GLYAT: variants seen among roughly 807,000 people sequenced by gnomAD.
GLYAT encodes the protein glycine N-acyltransferase.
Under a neutral mutation model 22.8 loss-of-function variants are expected in GLYAT, and 25 were observed. The observed-to-expected ratio is 1.09, with a 90% CI of 0.80 to 1.53. The LOEUF is 1.53. Among genes scored for constraint, GLYAT ranks in the 40% most tolerant of loss-of-function variants. GLYAT has a pLI of 0.00. For synonymous variants in GLYAT, 140 were observed against 122.7 expected (o/e 1.14, Z -0.93); for missense variants, 411 against 353.9 (o/e 1.16, Z -1.29).
intron 2 of GLYAT, among the ~76,000 whole-genome samples, chr11:58,722,147 C>T (rs929421717): frequency 1.3e-5 from 2 of 152,002 alleles, no homozygotes; most frequent in Admixed American, 6.6e-5. Context: ...TCACAGACCT[C>T]AGCAAATTGT....
intron 1 of GLYAT, among the ~76,000 whole-genome samples, chr11:58,728,943 A>AAGGC: frequency 6.7e-6 from 1 of 150,250 alleles, no homozygotes; most frequent in Admixed American, 6.6e-5. Context: ...GGAAGGAAGG[A>AAGGC]AGGAGAGAAT....
In GLYAT at chr11:58,710,095, C is replaced by T. The variant is rs1029141555; in HGVS notation, c.562G>A (p.Gly188Ser). Residue 188 changes from glycine (G) to serine (S), a missense_variant, in exon 6 of 6, where the codon GGT becomes AGT. Physicochemically the swap from Gly to Ser is moderately conservative, Grantham distance 56. Coordinates refer to ENST00000344743, the MANE Select transcript of GLYAT (RefSeq NM_201648.3). ...AATCTCTGGCTCCTCTCATTACCAC[C>T]AAAATGCCAGAATTTATTCACCAAG... The part of the protein sequence containing the change: ...AHLVNKFWHF[G>S]GNERSQRFIE... 1.3e-5 allele frequency: 21 copies of T among 1,613,958 alleles called. No individual in the cohort carries two copies. Among genetic ancestry groups the T allele is most frequent in the Non-Finnish European group, 1.8e-5 (21 of 1,179,966 alleles).
chr11:58,710,143 A>G lies in GLYAT; in HGVS notation c.514T>C (p.Ser172Pro), dbSNP rs1472462995. The change falls in exon 6 of 6, where the codon TCC becomes CCC. Residue 172 changes from serine (S) to proline (P), a missense_variant. Transcript: ENST00000344743. ...AINQEMFKLS[S>P]MDVTHAHLVN... ...AAGTGAGCATGGGTAACATCCATGG[A>G]TGAGAGTTTAAACATCTCTTGGTTG... 10 of 1,613,372 alleles carry G rather than the reference A, an allele frequency of 6.2e-6. No homozygotes were observed. Among genetic ancestry groups the G allele is most frequent in the South Asian group, 2.2e-5 (2 of 91,012 alleles).
chr11:58,728,893 G>GAAT (rs1590676106), intron 1 of GLYAT, among the ~76,000 whole-genome samples: 1 of 59,900 alleles, frequency 1.7e-5, no homozygotes. Flanking sequence ...AAAGAAAGAA[G>GAAT]GAAGGAAGGA....
rs958924955 is a variant in GLYAT at position 58,710,013 on chromosome 11, G to T, written c.644C>A (p.Thr215Asn). Residue 215 changes from threonine (T) to asparagine (N), a missense_variant, in exon 6 of 6, where the codon ACC (threonine) becomes AAC (asparagine). By Grantham distance (65) the Thr-to-Asn change is moderately conservative (BLOSUM62 0). Coordinates refer to ENST00000344743, the MANE Select transcript of GLYAT (RefSeq NM_201648.3). ...GTCCATTAGATCCCAGCACACAGGG[G>T]TCCCCTCAGGCCCCAGGAGACAGCA... is the stretch of plus-strand genomic sequence containing the variant. ...PTCCLLGPEGTPVCWDLMDQT... is the reference protein window; with the variant it reads ...PTCCLLGPEGNPVCWDLMDQT... The T allele has an allele frequency of 5.1e-5, 83 of 1,614,074 alleles. No homozygotes were observed. The highest frequency in any genetic ancestry group is 6.7e-5 in the Non-Finnish European group (79 of 1,179,970).
intron 2 of GLYAT, among the ~76,000 whole-genome samples, chr11:58,720,634 TA>T (rs370637855): frequency 8.9e-4 from 135 of 152,124 alleles, no homozygotes; most frequent in African/African-American, 3.2e-3. Context: ...CCAGACTGCC[TA>T]AACCCACAGG....
At chr11:58,724,788 A>G (rs1041965385) in intron 1 of GLYAT, among the ~76,000 whole-genome samples, 7 of 152,056 alleles carry the variant, frequency 4.6e-5, no homozygotes, top group African/African-American at 1.7e-4. Flanking sequence ...TATCTTTTGA[A>G]TTTTAGTTGC....
rs145407893 is a variant in GLYAT, at chr11:58,709,891, T to G, written c.766A>C (p.Lys256Gln). Residue 256 changes from lysine (K) to glutamine (Q), a missense_variant, in exon 6 of 6, where the codon AAA becomes CAA. Lys to Gln is a moderately conservative substitution (Grantham distance 53). Transcript: ENST00000344743. The part of the protein sequence containing the change: ...VIYSHAQKLG[K>Q]LGFPVYSHVD... Reference sequence around the variant, plus strand: ...TGAGAATAGACAGGAAACCCAAGTTTGCCCAATTTCTGGGCGTGGGAATAG... The same window carrying G: ...TGAGAATAGACAGGAAACCCAAGTTGGCCCAATTTCTGGGCGTGGGAATAG... 5.6e-6 allele frequency: 9 copies of G among 1,614,040 alleles called. No individual in the cohort carries two copies. Among genetic ancestry groups the G allele is most frequent in the Non-Finnish European group, 8.5e-7 (1 of 1,180,016 alleles).
chr11:58,728,964 A>AAAGG (rs941320494), intron 1 of GLYAT, among the ~76,000 whole-genome samples: 2 of 151,438 alleles, frequency 1.3e-5, no homozygotes, highest in Admixed American at 1.3e-4. Context: ...AAAAGAAAAG[A>AAAGG]AAGGAAGGAA....
chr11:58,720,282 T>G (rs1565057809), intron 2 of GLYAT, among the ~76,000 whole-genome samples: 1 of 152,070 alleles, frequency 6.6e-6, no homozygotes, highest in Non-Finnish European at 1.5e-5. Flanking sequence ...TGTCTATTAT[T>G]TAATTTAATA....
rs749473930 is a variant in GLYAT, at chr11:58,712,860, A to G, written c.216T>C (p.Tyr72=). 6.2e-6 allele frequency: 10 copies of G among 1,605,554 alleles called. No individual in the cohort carries two copies. In the East Asian group the frequency reaches 6.7e-5, roughly 11 times the overall value. The change falls in exon 4 of 6, where the codon TAT becomes TAC. Residue 72 remains tyrosine (Y), a synonymous_variant. Coordinates refer to ENST00000344743, the MANE Select transcript of GLYAT (RefSeq NM_201648.3). Reference sequence around the variant, plus strand: ...TGGAGTAGATTTGGTAAGTATTGGTATAGTGATCAAGGTCATCTGTCATAT... The same window carrying G: ...TGGAGTAGATTTGGTAAGTATTGGTGTAGTGATCAAGGTCATCTGTCATAT... The part of the protein sequence containing the change: ...EQDMTDDLDH[Y]TNTYQIYSKD...
intron 3 of GLYAT, among the ~76,000 whole-genome samples, chr11:58,713,799 ATTTTG>A (rs1182864334): frequency 6.6e-6 from 1 of 152,150 alleles, no homozygotes; most frequent in Non-Finnish European, 1.5e-5. Flanking sequence ...CCACTGACAC[ATTTTG>A]TTGCTTAAGA....
chr11:58,716,522 A>G (rs1856682484), intron 2 of GLYAT, among the ~76,000 whole-genome samples: 1 of 152,138 alleles, frequency 6.6e-6, no homozygotes, highest in Non-Finnish European at 1.5e-5. Context: ...AATTTAGTAC[A>G]GTTTTGGCAA....
intron 2 of GLYAT, among the ~76,000 whole-genome samples, chr11:58,719,482 T>A (rs994602625): frequency 6.6e-6 from 1 of 151,984 alleles, no homozygotes; most frequent in African/African-American, 2.4e-5. Context: ...TCAGTGTTCC[T>A]TTGACATTAA....
At chr11:58,715,666 T>A in intron 2 of GLYAT, among the ~76,000 whole-genome samples, 1 of 152,188 alleles carries the variant, frequency 6.6e-6, no homozygotes, top group Non-Finnish European at 1.5e-5. Flanking sequence ...TAAACAGATT[T>A]TTGTTCAATA....
chr11:58,725,223 C>T (rs993870802), intron 1 of GLYAT, among the ~76,000 whole-genome samples: 41 of 152,246 alleles, frequency 2.7e-4, no homozygotes, highest in African/African-American at 9.6e-4. Context: ...GAGGCTAATT[C>T]CATCTTTAAG....
intron 1 of GLYAT, among the ~76,000 whole-genome samples, chr11:58,727,367 G>A (rs1373078185): frequency 6.6e-6 from 1 of 152,172 alleles, no homozygotes; most frequent in African/African-American, 2.4e-5. Flanking sequence ...TAAAAGAAGA[G>A]GCAGACTTGT....
intron 3 of GLYAT, among the ~76,000 whole-genome samples, chr11:58,713,374 T>C (rs1448650213): frequency 6.6e-6 from 1 of 152,116 alleles, no homozygotes; most frequent in Non-Finnish European, 1.5e-5. Context: ...ATAAAAGACA[T>C]AACCATTTAG....
intron 5 of GLYAT, 190 bp from the exon 6 acceptor site, chr11:58,710,358 G>T: frequency 3.1e-6 from 3 of 974,542 alleles, no homozygotes; most frequent in Non-Finnish European, 4.4e-6. Flanking sequence ...AGCAGGAAGG[G>T]CAATAAAGGT....
Sources: allele counts gnomAD v4.1 joint callset (sites outside exome capture counted in the v4.1 genomes callset), GRCh38; gene constraint gnomAD v4.1.1; transcripts MANE v1.5; gene names NCBI Gene and HGNC (gene_info 2026-07-23, HGNC 2026-07-21).